DYM: variants seen among roughly 807,000 people sequenced by gnomAD.
The protein encoded by DYM is dymeclin, also known as dyggve-Melchior-Clausen syndrome protein.
In DYM, 78 loss-of-function variants were observed where a neutral mutation model predicts 93.1. The ratio of observed to expected loss-of-function variants is 0.84; its 90% CI spans 0.70 to 1.01. The LOEUF (loss-of-function observed/expected upper bound fraction) is 1.01. Ranked by LOEUF, DYM falls within the 50% of genes least tolerant of loss-of-function variation. The pLI is 0.00. For missense variants in DYM, 789 were observed against 845.0 expected (o/e 0.93, Z 0.82); for synonymous variants, 321 against 319.7 (o/e 1.00, Z -0.04).
At position 49,403,877 on chromosome 18, in the gene DYM, G is replaced by A. The variant is rs1203048462; in HGVS notation, c.141-12232C>T. Among the ~76,000 whole-genome samples the A allele has an allele frequency of 2.6e-5, 4 of 152,202 alleles. 1 individual carries two copies. The South Asian group carries it at 6.2e-4, about 24-fold the overall frequency. On this transcript the variant is annotated intron_variant, in intron 2 of 17. Coordinates refer to ENST00000675505, the MANE Select transcript of DYM (RefSeq NM_001353214.3). ...CCTATGTTAATTTCCTTAGGATAAC[G>A]GCCTCTAGCTGCATCCATGTTGCTT...
At chr18:49,125,466 C>T (rs1008075103) in intron 15 of DYM, among the ~76,000 whole-genome samples, 1 of 152,128 alleles carries the variant, frequency 6.6e-6, no homozygotes, top group Admixed American at 6.5e-5. Context: ...GTAGTAGTGA[C>T]ATAAATACTC....
intron 8 of DYM, among the ~76,000 whole-genome samples, chr18:49,289,407 A>T (rs2059885359): frequency 1.5e-5 from 1 of 67,204 alleles, no homozygotes; most frequent in Non-Finnish European, 2.9e-5. Flanking sequence ...AAATCAGTAA[A>T]AAAAAAAAAA....
intron 14 of DYM, among the ~76,000 whole-genome samples, chr18:49,199,213 C>T (rs2091794353): frequency 6.6e-6 from 1 of 152,144 alleles, no homozygotes; most frequent in Non-Finnish European, 1.5e-5. Context: ...GAACATCACA[C>T]ACCAGGGCCT....
At chr18:49,317,683 T>TCCTTCCTTCCTTC (rs1555690598) in intron 8 of DYM, among the ~76,000 whole-genome samples, 1 of 130,068 alleles carries the variant, frequency 7.7e-6, no homozygotes, top group African/African-American at 2.9e-5. Flanking sequence ...CTTCCTTCCT[T>TCCTTCCTTCCTTC]CCTTCCTTTC....
chr18:49,265,516 C>T (rs562131771), intron 11 of DYM, among the ~76,000 whole-genome samples: 1 of 152,148 alleles, frequency 6.6e-6, no homozygotes, highest in Non-Finnish European at 1.5e-5. Flanking sequence ...CAGTGGCTCA[C>T]GCCTGTAATC....
At chr18:49,081,836 C>T (rs1022240378) in intron 17 of DYM, among the ~76,000 whole-genome samples, 2 of 152,214 alleles carry the variant, frequency 1.3e-5, no homozygotes, top group Non-Finnish European at 2.9e-5. Context: ...TGTGCCCCAC[C>T]TCTGCTCTGT....
At chr18:49,376,522 G>A (rs2067521080) in intron 5 of DYM, among the ~76,000 whole-genome samples, 1 of 152,194 alleles carries the variant, frequency 6.6e-6, no homozygotes, top group Non-Finnish European at 1.5e-5. Context: ...ATTCCATTTA[G>A]TCTACAAACT....
intron 13 of DYM, among the ~76,000 whole-genome samples, chr18:49,242,015 G>A (rs551569059): frequency 2.0e-5 from 3 of 152,258 alleles, no homozygotes; most frequent in South Asian, 2.1e-4. Flanking sequence ...TTCTTCAGGC[G>A]TCTTTCTGCA....
At chr18:49,348,117 G>T (rs1282813382) in intron 6 of DYM, among the ~76,000 whole-genome samples, 1 of 152,184 alleles carries the variant, frequency 6.6e-6, no homozygotes, top group African/African-American at 2.4e-5. Flanking sequence ...CATGAAATGG[G>T]TGTTAGTGTT....
intron 7 of DYM, 29 bp from the exon 8 acceptor site, chr18:49,332,035 T>C (rs1025831547): frequency 6.2e-7 from 1 of 1,604,538 alleles, no homozygotes; most frequent in Non-Finnish European, 8.5e-7. Flanking sequence ...AAAATCAAAC[T>C]CATATTTATG....
At chr18:49,379,457 A>T (rs540154629) in intron 4 of DYM, among the ~76,000 whole-genome samples, 1 of 152,300 alleles carries the variant, frequency 6.6e-6, no homozygotes, top group Non-Finnish European at 1.5e-5. Context: ...AAGATTGTCT[A>T]AAAAGCTGAA....
rs138713457 is a variant in DYM at position 49,216,065 on chromosome 18, G to A, written c.1461-6350C>T. Among the ~76,000 whole-genome samples, 1,441 of 152,332 alleles carry A rather than the reference G, an allele frequency of 9.5e-3. 14 individuals carry two copies. Among genetic ancestry groups the A allele is most frequent in the South Asian group, 0.036 (174 of 4,832 alleles). ...TCTCACCCTAATACTGCGCTTTTCC[G>A]ATGGGCTTAAAAAACGGTGCACCAC... On this transcript the variant is annotated intron_variant, in intron 13 of 17. Coordinates refer to ENST00000675505, the MANE Select transcript of DYM (RefSeq NM_001353214.3).
At chr18:49,318,026 C>T (rs1165107087) in intron 8 of DYM, among the ~76,000 whole-genome samples, 1 of 151,974 alleles carries the variant, frequency 6.6e-6, no homozygotes, top group African/African-American at 2.4e-5. Context: ...CTACATAGAC[C>T]CTACCATCTC....
intron 1 of DYM, among the ~76,000 whole-genome samples, chr18:49,438,635 T>C (rs2081062080): frequency 6.6e-6 from 1 of 151,970 alleles, no homozygotes; most frequent in Admixed American, 6.5e-5. Context: ...CAGACACCCC[T>C]GCCTAAGCCC....
At chr18:49,118,174 C>A in intron 16 of DYM, among the ~76,000 whole-genome samples, 1 of 151,692 alleles carries the variant, frequency 6.6e-6, no homozygotes, top group East Asian at 1.9e-4. Flanking sequence ...CACACCCGGC[C>A]CACAGGCATA....
intron 17 of DYM, among the ~76,000 whole-genome samples, chr18:49,066,052 T>C (rs2076360816): frequency 6.6e-6 from 1 of 152,084 alleles, no homozygotes; most frequent in South Asian, 2.1e-4. Context: ...TTGTGAAATA[T>C]AATATGCATA....
chr18:49,248,781 T>C (rs535383797), intron 13 of DYM, among the ~76,000 whole-genome samples: 1 of 152,296 alleles, frequency 6.6e-6, no homozygotes, highest in African/African-American at 2.4e-5. Flanking sequence ...GGATTAGATA[T>C]AAAAAATATT....
chr18:49,453,683 T>C (rs993488924), intron 1 of DYM, among the ~76,000 whole-genome samples: 2 of 152,210 alleles, frequency 1.3e-5, no homozygotes, highest in Admixed American at 6.5e-5. Flanking sequence ...AGAGTTTTCA[T>C]TGTTGTAGAA....
intron 15 of DYM, among the ~76,000 whole-genome samples, chr18:49,148,542 C>T (rs1367562228): frequency 1.3e-5 from 2 of 152,010 alleles, no homozygotes; most frequent in African/African-American, 4.8e-5. Flanking sequence ...CAGGTGCAAG[C>T]CCCGGCACCA....
Sources: allele counts gnomAD v4.1 joint callset (sites outside exome capture counted in the v4.1 genomes callset), GRCh38; gene constraint gnomAD v4.1.1; transcripts MANE v1.5; gene names NCBI Gene and HGNC (gene_info 2026-07-23, HGNC 2026-07-21).